UBXN2B: variants seen among roughly 807,000 people sequenced by gnomAD.
The protein encoded by UBXN2B is UBX domain-containing protein 2B.
Under a neutral mutation model 37.5 loss-of-function variants are expected in UBXN2B, and 19 were observed. The ratio of observed to expected loss-of-function variants is 0.51; its 90% confidence interval spans 0.35 to 0.74. UBXN2B has a LOEUF of 0.74. Among genes scored for constraint, UBXN2B ranks in the 30% least tolerant of loss-of-function variants. The pLI, the probability that UBXN2B is intolerant of heterozygous loss-of-function variation, is 0.01. For synonymous variants in UBXN2B, 145 were observed against 143.8 expected (o/e 1.01, Z -0.06); for missense variants, 370 against 393.2 (o/e 0.94, Z 0.50).
intron 2 of UBXN2B, chr8:58,426,174 GATCACAGTA>G: frequency 1.5e-6 from 1 of 689,644 alleles, no homozygotes; most frequent in South Asian, 1.4e-5. Flanking sequence ...CCTCCACACA[GATCACAGTA>G]ATCACCAGTG....
chr8:58,426,813 G>T, intron 2 of UBXN2B: 1 of 585,798 alleles, frequency 1.7e-6, no homozygotes, highest in Non-Finnish European at 3.2e-6. Flanking sequence ...AGCCGACTGT[G>T]CACAGACCCC....
chr8:58,443,392 A>C (rs1808596159), intron 6 of UBXN2B, among the ~76,000 whole-genome samples: 1 of 152,158 alleles, frequency 6.6e-6, no homozygotes, highest in African/African-American at 2.4e-5. Context: ...CTTTCTTAAA[A>C]AATTTTCTTT....
Position 58,430,505 on chromosome 8 carries a change from TA to T in UBXN2B, c.189-10del. On this transcript the variant is annotated splice_polypyrimidine_tract_variant and intron_variant, in intron 2 of 7. Coordinates refer to ENST00000399598, the MANE Select transcript of UBXN2B (RefSeq NM_001077619.2). Reference sequence around the variant, plus strand: ...TTATCCTAAGTTTTTATTCATGAACTAAAATGTTTAAAGGTTTTACTCAAGT... The same window carrying T: ...TTATCCTAAGTTTTTATTCATGAACTAAATGTTTAAAGGTTTTACTCAAGT... 1.3e-6 allele frequency: 2 copies of T among 1,507,754 alleles called. No individual in the cohort carries two copies. The highest frequency in any genetic ancestry group is 1.8e-6 in the Non-Finnish European group (2 of 1,121,916). 93.4% of individuals were successfully genotyped at this position (1,507,754 alleles called of 1,614,324 possible).
chr8:58,439,947 TATTA>T (rs67526441), intron 6 of UBXN2B, among the ~76,000 whole-genome samples, 177 bp downstream of exon 6: 42,461 of 151,918 alleles, frequency 0.28, 6,459 homozygotes, highest in Admixed American at 0.45. Context: ...TATATCATAA[TATTA>T]ATTGTGATAT....
intron 2 of UBXN2B, among the ~76,000 whole-genome samples, chr8:58,421,417 AACTCTTTC>A (rs1414485971): frequency 6.6e-6 from 1 of 152,016 alleles, no homozygotes; most frequent in Non-Finnish European, 1.5e-5. Flanking sequence ...TGTGCCAGAT[AACTCTTTC>A]ACCCCAAAAT....
At chr8:58,429,370 A>G (rs2129604131) in intron 2 of UBXN2B, among the ~76,000 whole-genome samples, 1 of 152,280 alleles carries the variant, frequency 6.6e-6, no homozygotes, top group Middle Eastern at 3.4e-3. Context: ...GCAGTGTTCA[A>G]CCTTGCTTGC....
intron 1 of UBXN2B, among the ~76,000 whole-genome samples, chr8:58,414,764 A>G (rs1461438363): frequency 2.0e-5 from 3 of 152,156 alleles, no homozygotes; most frequent in African/African-American, 7.2e-5. Context: ...TTAATGATGT[A>G]CCGTTAATAA....
At chr8:58,444,328 T>C (rs1211423667) in intron 6 of UBXN2B, among the ~76,000 whole-genome samples, 1 of 152,224 alleles carries the variant, frequency 6.6e-6, no homozygotes, top group Non-Finnish European at 1.5e-5. Flanking sequence ...GAAGTGCTTA[T>C]GTGTCCTAAT....
At chr8:58,441,806 A>C (rs945498370) in intron 6 of UBXN2B, among the ~76,000 whole-genome samples, 1 of 152,222 alleles carries the variant, frequency 6.6e-6, no homozygotes, top group African/African-American at 2.4e-5. Flanking sequence ...TAATAATGCC[A>C]TGTTAATTTA....
At chr8:58,436,791 C>T (rs908420090) in intron 5 of UBXN2B, among the ~76,000 whole-genome samples, 4 of 152,174 alleles carry the variant, frequency 2.6e-5, no homozygotes, top group African/African-American at 9.7e-5. Context: ...TGCCTTCTAC[C>T]ATGATTGTAA....
At chr8:58,444,383 A>G (rs1055569670) in intron 6 of UBXN2B, among the ~76,000 whole-genome samples, 4 of 152,218 alleles carry the variant, frequency 2.6e-5, no homozygotes, top group African/African-American at 7.2e-5. Context: ...CTCAGGCACA[A>G]TAAGGGTAAG....
intron 6 of UBXN2B, 114 bp from the exon 7 acceptor site, chr8:58,445,793 G>C (rs1397292068): frequency 1.2e-6 from 1 of 843,614 alleles, no homozygotes; most frequent in East Asian, 3.2e-5. Context: ...TAATGAAAGA[G>C]GTTGAAAGAA....
intron 2 of UBXN2B, among the ~76,000 whole-genome samples, chr8:58,418,916 G>A (rs1807852759): frequency 6.6e-6 from 1 of 152,098 alleles, no homozygotes; most frequent in South Asian, 2.1e-4. Context: ...AACATAAGTT[G>A]AATGACTTAA....
chr8:58,439,901 AATATT>A, intron 6 of UBXN2B, 131 bp downstream of exon 6: 1 of 695,212 alleles, frequency 1.4e-6, no homozygotes, highest in Non-Finnish European at 2.2e-6. Context: ...TACATCTGTT[AATATT>A]ATATCATAAT....
chr8:58,446,779 A>ATTTTGTTTTTTTT (rs1808682688), intron 7 of UBXN2B, among the ~76,000 whole-genome samples: 3 of 17,386 alleles, frequency 1.7e-4, no homozygotes, highest in Admixed American at 6.2e-4. Flanking sequence ...TACAACCTGC[A>ATTTTGTTTTTTTT]TTTTTTTTTT....
chr8:58,418,316 T>C (rs1807838887), intron 2 of UBXN2B, among the ~76,000 whole-genome samples: 1 of 151,864 alleles, frequency 6.6e-6, no homozygotes, highest in Non-Finnish European at 1.5e-5. Flanking sequence ...TAGTCACATA[T>C]CTCTTATAGC....
At chr8:58,428,190 G>A (rs901711722) in intron 2 of UBXN2B, among the ~76,000 whole-genome samples, 15 of 152,136 alleles carry the variant, frequency 9.9e-5, no homozygotes, top group African/African-American at 3.6e-4. Flanking sequence ...GTAAATGCAC[G>A]GGAAAGATGG....
At chr8:58,447,131 C>T (rs2129604732) in intron 7 of UBXN2B, among the ~76,000 whole-genome samples, 1 of 152,112 alleles carries the variant, frequency 6.6e-6, no homozygotes, top group South Asian at 2.1e-4. Flanking sequence ...AACATTAGTA[C>T]ACTTACTTTA....
intron 6 of UBXN2B, among the ~76,000 whole-genome samples, chr8:58,441,988 A>C (rs141492506): frequency 1.1e-3 from 162 of 152,308 alleles, no homozygotes; most frequent in South Asian, 3.9e-3. Context: ...CAGAGAAAAC[A>C]ACTATGTCCC....
Sources: allele counts gnomAD v4.1 joint callset (sites outside exome capture counted in the v4.1 genomes callset), GRCh38; gene constraint gnomAD v4.1.1; transcripts MANE v1.5; gene names NCBI Gene and HGNC (gene_info 2026-07-23, HGNC 2026-07-21).